The following SPAG16 variants were observed in gnomAD, a reference collection of about 807,000 sequenced individuals.
SPAG16 encodes the protein sperm associated antigen 16.
In SPAG16, 86 loss-of-function variants were observed where a neutral mutation model predicts 80.4. The ratio of observed to expected loss-of-function variants is 1.07; its 90% CI spans 0.90 to 1.28. The LOEUF (loss-of-function observed/expected upper bound fraction) is 1.28. SPAG16 is among the 50% of genes most tolerant of loss of function. The pLI, the probability that SPAG16 is intolerant of heterozygous loss-of-function variation, is 0.00. For synonymous variants in SPAG16, 294 were observed against 265.9 expected (o/e 1.11, Z -1.03); for missense variants, 870 against 765.3 (o/e 1.14, Z -1.61).
At chr2:213,815,674 A>T (rs2072484783) in intron 10 of SPAG16, among the ~76,000 whole-genome samples, 1 of 152,052 alleles carries the variant, frequency 6.6e-6, no homozygotes, top group Admixed American at 6.6e-5. Context: ...TCCTTCCTTT[A>T]ACTACCATAA....
At chr2:213,862,733 C>G (rs1420189668) in intron 11 of SPAG16, 105 bp downstream of exon 11, 1 of 1,257,520 alleles carries the variant, frequency 8.0e-7, no homozygotes, top group Non-Finnish European at 1.1e-6. Context: ...CTTTCTGCAA[C>G]AACACACCCT....
chr2:213,923,647 G>T (rs1245154691), intron 11 of SPAG16, among the ~76,000 whole-genome samples: 1 of 152,136 alleles, frequency 6.6e-6, no homozygotes, highest in Non-Finnish European at 1.5e-5. Flanking sequence ...GTGTTTTCAG[G>T]GCAGCAAGAG....
intron 15 of SPAG16, among the ~76,000 whole-genome samples, chr2:214,359,972 A>G (rs1420773840): frequency 1.3e-5 from 2 of 151,902 alleles, no homozygotes; most frequent in Non-Finnish European, 2.9e-5. Flanking sequence ...AGCACTGTCA[A>G]CATGTGGATT....
At chr2:214,087,518 C>A (rs1463200635) in intron 13 of SPAG16, among the ~76,000 whole-genome samples, 1 of 151,972 alleles carries the variant, frequency 6.6e-6, no homozygotes, top group Non-Finnish European at 1.5e-5. Context: ...AGACATTTTT[C>A]TAAAAGATGT....
intron 10 of SPAG16, among the ~76,000 whole-genome samples, chr2:213,688,613 C>A (rs962834036): frequency 6.6e-6 from 1 of 152,148 alleles, no homozygotes; most frequent in African/African-American, 2.4e-5. Flanking sequence ...GTTTGTAGGG[C>A]ATGACTCCCC....
At chr2:213,605,922 A>G (rs1269030737) in intron 10 of SPAG16, among the ~76,000 whole-genome samples, 2 of 152,244 alleles carry the variant, frequency 1.3e-5, no homozygotes, top group Non-Finnish European at 2.9e-5. Flanking sequence ...AGGATATATA[A>G]TAGACCATTT....
intron 9 of SPAG16, among the ~76,000 whole-genome samples, chr2:213,407,043 G>A (rs2068648310): frequency 6.6e-6 from 1 of 152,036 alleles, no homozygotes; most frequent in African/African-American, 2.4e-5. Context: ...GGAAGGAGAA[G>A]CCGCGGGAGC....
intron 13 of SPAG16, among the ~76,000 whole-genome samples, chr2:214,021,086 G>A (rs984694380): frequency 6.6e-6 from 1 of 151,960 alleles, no homozygotes; most frequent in Non-Finnish European, 1.5e-5. Flanking sequence ...TCACAAAAAA[G>A]GTCAACAAAT....
intron 12 of SPAG16, among the ~76,000 whole-genome samples, chr2:213,944,992 C>T (rs1280311176): frequency 6.6e-6 from 1 of 152,108 alleles, no homozygotes; most frequent in African/African-American, 2.4e-5. Context: ...GAGCCAAGAT[C>T]GTGCCATTGC....
chr2:213,492,017 C>T (rs2074253455), intron 10 of SPAG16, among the ~76,000 whole-genome samples: 1 of 152,144 alleles, frequency 6.6e-6, no homozygotes, highest in Non-Finnish European at 1.5e-5. Flanking sequence ...TTACATGGGA[C>T]ACTTTTTGCC....
At chr2:213,486,518 C>T (rs1319235671) in intron 9 of SPAG16, among the ~76,000 whole-genome samples, 1 of 152,062 alleles carries the variant, frequency 6.6e-6, no homozygotes, top group African/African-American at 2.4e-5. Flanking sequence ...GAAATCCTGT[C>T]ATTTGCAGCA....
At chr2:213,446,065 G>A (rs760995997) in intron 9 of SPAG16, among the ~76,000 whole-genome samples, 1 of 152,114 alleles carries the variant, frequency 6.6e-6, no homozygotes, top group African/African-American at 2.4e-5. Flanking sequence ...ACCCTAAAGA[G>A]CATCAAAGAA....
intron 9 of SPAG16, among the ~76,000 whole-genome samples, chr2:213,481,057 A>G (rs1419583253): frequency 6.6e-6 from 1 of 152,246 alleles, no homozygotes; most frequent in East Asian, 1.9e-4. Flanking sequence ...CAGTGAACGC[A>G]ACATGACAAG....
chr2:213,804,787 A>G (rs1007314729), intron 10 of SPAG16, among the ~76,000 whole-genome samples: 2 of 152,238 alleles, frequency 1.3e-5, no homozygotes, highest in Admixed American at 6.5e-5. Flanking sequence ...GGTGAGAATA[A>G]GAAACCAAGA....
intron 15 of SPAG16, among the ~76,000 whole-genome samples, chr2:214,197,548 A>G (rs1343496929): frequency 6.6e-6 from 1 of 151,972 alleles, no homozygotes; most frequent in Non-Finnish European, 1.5e-5. Context: ...CCATAGTGAA[A>G]ATTCTCAAAT....
At chr2:213,720,844 C>G (rs1168480880) in intron 10 of SPAG16, among the ~76,000 whole-genome samples, 1 of 141,604 alleles carries the variant, frequency 7.1e-6, no homozygotes, top group East Asian at 2.4e-4. Flanking sequence ...CTCCCGGGTT[C>G]AAGCGATTCT....
chr2:214,075,192 G>C (rs945414481), intron 13 of SPAG16, among the ~76,000 whole-genome samples: 1 of 150,828 alleles, frequency 6.6e-6, no homozygotes, highest in Non-Finnish European at 1.5e-5. Context: ...GTTCATAATG[G>C]CGTTAGTGAA....
At chr2:213,859,817 T>A (rs1404242854) in intron 10 of SPAG16, among the ~76,000 whole-genome samples, 1 of 152,236 alleles carries the variant, frequency 6.6e-6, no homozygotes, top group Admixed American at 6.5e-5. Context: ...ATTTGATGAA[T>A]GTTTATTGAA....
intron 15 of SPAG16, among the ~76,000 whole-genome samples, chr2:214,297,287 T>G (rs952042015): frequency 6.6e-6 from 1 of 152,186 alleles, no homozygotes; most frequent in African/African-American, 2.4e-5. Context: ...TAATTTTTTG[T>G]TGTTATGCAG....
Sources: allele counts gnomAD v4.1 joint callset (sites outside exome capture counted in the v4.1 genomes callset), GRCh38; gene constraint gnomAD v4.1.1; transcripts MANE v1.5; gene names NCBI Gene and HGNC (gene_info 2026-07-23, HGNC 2026-07-21).